SLC10A3: variants seen among roughly 807,000 people sequenced by gnomAD.
SLC10A3 encodes the protein solute carrier family 10 member 3.
In SLC10A3, 1 loss-of-function variant was observed where a neutral mutation model predicts 1.9. That is an observed-to-expected ratio of 0.52 (90% CI 0.19 to 2.48). The LOEUF is 2.48. Ranked by LOEUF, SLC10A3 falls within the 30% of genes most tolerant of loss-of-function variation. SLC10A3 has a pLI of 0.25. For synonymous variants in SLC10A3, 202 were observed against 189.3 expected, an observed-to-expected ratio of 1.07 and a Z score of -0.55; for missense variants, 317 against 398.5, an observed-to-expected ratio of 0.80 and a Z score of 1.74.
In SLC10A3 at chrX:154,487,831, G is replaced by A. The variant is rs782718607; in HGVS notation, c.1110C>T (p.Ala370=). ...CCAGGATGAAGACCCCCATGCGATA[G>A]GCCAGGAAGAGGCCGCCCAGGAGGA... is the stretch of plus-strand genomic sequence containing the variant. ...FVLLLGGLFL[A]YRMGVFILAG... is the part of the protein sequence containing the mutation. The change falls in exon 2 of 2, where the codon GCC becomes GCT. Residue 370 remains alanine, a synonymous_variant. Transcript: ENST00000651600. The A allele has an allele frequency of 3.3e-6, 4 of 1,209,875 alleles. No homozygotes were observed. The highest frequency in any genetic ancestry group is 3.4e-6 in the Non-Finnish European group (3 of 895,277).
At position 154,488,771 on chromosome X, in the gene SLC10A3, G is replaced by T; in HGVS notation, c.170C>A (p.Thr57Asn). Residue 57 changes from threonine to asparagine, a missense_variant, in exon 2 of 2, where the codon ACC (threonine) becomes AAC (asparagine). Physicochemically the swap from Thr to Asn is moderately conservative, Grantham distance 65. Transcript: ENST00000651600. The stretch of plus-strand genomic sequence containing the variant: ...GTAGCGGCCCCCAGTCGGTGGCACG[G>T]TGTGACCCCCAGCAGTGCTGAGGCT... ...STSLSTAGGH[T>N]VPPTGGRYLS... The T allele has an allele frequency of 8.3e-7, 1 of 1,211,393 alleles. No homozygotes were observed. The highest frequency in any genetic ancestry group is 1.1e-6 in the Non-Finnish European group (1 of 895,142).
At position 154,487,859 on chromosome X, in the gene SLC10A3, A is replaced by G. The variant is rs2069322779; in HGVS notation, c.1082T>C (p.Val361Ala). 1.7e-6 allele frequency: 2 copies of G among 1,211,601 alleles called. No individual in the cohort carries two copies. Among genetic ancestry groups the G allele is most frequent in the Non-Finnish European group, 2.2e-6 (2 of 895,628 alleles). Reference sequence around the variant, plus strand: ...CAGGAAGAGGCCGCCCAGGAGGAGCACAAAGCTGAAGGGCTTGACGACCTG... The same window carrying G: ...CAGGAAGAGGCCGCCCAGGAGGAGCGCAAAGCTGAAGGGCTTGACGACCTG... ...LLQVVKPFSF[V>A]LLLGGLFLAY... Residue 361 changes from valine to alanine, a missense_variant, in exon 2 of 2, where the codon GTG becomes GCG. Transcript: ENST00000651600.
chrX:154,488,560 G>C lies in SLC10A3; in HGVS notation c.381C>G (p.Gly127=). 1 of 1,210,066 alleles carries C rather than the reference G, an allele frequency of 8.3e-7. No individual in the cohort carries two copies. Residue 127 remains glycine, a synonymous_variant, in exon 2 of 2, where the codon GGC becomes GGG. Transcript: ENST00000651600. Reference sequence around the variant, plus strand: ...GGATGCTCACCACAAAGCCACCCCCGCCTCCCCAGGTTATAGCACTCACGT... The same window carrying C: ...GGATGCTCACCACAAAGCCACCCCCCCCTCCCCAGGTTATAGCACTCACGT... ...IKNVSAITWG[G]GGGFVVSIHS... is the part of the protein sequence containing the mutation.
In SLC10A3 at chrX:154,487,857, G is replaced by T; in HGVS notation, c.1084C>A (p.Leu362Ile). 8.3e-7 allele frequency: 1 copy of T among 1,211,483 alleles called. No individual in the cohort carries two copies. Among genetic ancestry groups the T allele is most frequent in the Admixed American group, 2.2e-5 (1 of 46,096 alleles). Reference sequence around the variant, plus strand: ...GCCAGGAAGAGGCCGCCCAGGAGGAGCACAAAGCTGAAGGGCTTGACGACC... The same window carrying T: ...GCCAGGAAGAGGCCGCCCAGGAGGATCACAAAGCTGAAGGGCTTGACGACC... The part of the protein sequence containing the change: ...LQVVKPFSFV[L>I]LLGGLFLAYR... Residue 362 changes from leucine (L) to isoleucine (I), a missense_variant, in exon 2 of 2, where the codon CTC (leucine) becomes ATC (isoleucine). Coordinates refer to ENST00000651600, the MANE Select transcript of SLC10A3 (RefSeq NM_019848.5).
chrX:154,488,970 C>T lies in SLC10A3; in HGVS notation c.-30G>A, dbSNP rs372878208. On this transcript the variant is annotated 5_prime_UTR_variant, in exon 2 of 2. Transcript: ENST00000651600. ...CTTCCTGGAGGACGGATGGCGTGCC[C>T]AGGCCCTCTGCGGCTTAGGAGAACA... 100 of 1,181,960 alleles carry T rather than the reference C, an allele frequency of 8.5e-5. No individual in the cohort carries two copies. The highest frequency in any genetic ancestry group is 1.1e-4 in the Non-Finnish European group (94 of 880,855).
In SLC10A3 at chrX:154,488,086, G is replaced by A; in HGVS notation, c.855C>T (p.Ile285=). 1 of 1,211,510 alleles carries A rather than the reference G, an allele frequency of 8.3e-7. No homozygotes were observed. Among genetic ancestry groups the A allele is most frequent in the Middle Eastern group, 2.3e-4 (1 of 4,354 alleles). Residue 285 remains isoleucine (I), a synonymous_variant, in exon 2 of 2, where the codon ATC becomes ATT. Transcript: ENST00000651600. ...LLLGGDVTLA[I]SMTFLSTVAA... is the part of the protein sequence containing the mutation. ...CCACCGTAGAGAGGAAAGTCATGGA[G>A]ATGGCCAGGGTGACGTCCCCTCCAA...
Position 154,488,200 on chromosome X carries a change from G to C in SLC10A3, c.741C>G (p.Val247=). 1.2e-5 allele frequency: 15 copies of C among 1,211,730 alleles called. No homozygotes were observed. Among genetic ancestry groups the C allele is most frequent in the Non-Finnish European group, 1.7e-5 (15 of 895,559 alleles). ...MPLYAFLMAK[V]FMLPKALALG... ...GAGCCAGGGCCTTGGGCAGCATGAA[G>C]ACCTTGGCCATGAGGAAAGCGTACA... The change falls in exon 2 of 2, where the codon GTC becomes GTG. Residue 247 remains valine (V), a synonymous_variant. Coordinates refer to ENST00000651600, the MANE Select transcript of SLC10A3 (RefSeq NM_019848.5).
Position 154,487,809 on chromosome X carries a change from G to A in SLC10A3, c.1132C>T (p.Leu378=). The A allele has an allele frequency of 8.3e-7, 1 of 1,211,480 alleles. No homozygotes were observed. Among genetic ancestry groups the A allele is most frequent in the Non-Finnish European group, 1.1e-6 (1 of 895,583 alleles). Residue 378 remains leucine, a synonymous_variant, in exon 2 of 2, where the codon CTG becomes TTG. Coordinates refer to ENST00000651600, the MANE Select transcript of SLC10A3 (RefSeq NM_019848.5). The part of the protein sequence containing the change: ...FLAYRMGVFI[L]AGIRLPIVLV... ...ACGATGGGTAGCCGGATGCCTGCCA[G>A]GATGAAGACCCCCATGCGATAGGCC...
rs2069348373 is a variant in SLC10A3 at position 154,488,887 on chromosome X, G to A, written c.54C>T (p.Gly18=). The A allele has an allele frequency of 2.5e-6, 3 of 1,209,925 alleles. No homozygotes were observed. Among genetic ancestry groups the A allele is most frequent in the Non-Finnish European group, 2.2e-6 (2 of 894,956 alleles). Residue 18 remains glycine, a synonymous_variant, in exon 2 of 2, where the codon GGC becomes GGT. Transcript: ENST00000651600. ...TTAAGGGACCTGTGCCACCACCCTC[G>A]CCCCCCAGACCAGGCCACTGCTGAG... ...GSSQQWPGLG[G]EGGGTGPLSM... is the part of the protein sequence containing the mutation.
In SLC10A3 at chrX:154,487,462, G is replaced by A. The variant is rs781846179; in HGVS notation, c.*45C>T. The stretch of plus-strand genomic sequence containing the variant: ...GAGTGCATAGTGCATGAGAACTTTG[G>A]TGGAGTGTGGGGGCTGGGGCTGATG... On this transcript the variant is annotated 3_prime_UTR_variant, in exon 2 of 2. Transcript: ENST00000651600. 13 of 1,201,827 alleles carry A rather than the reference G, an allele frequency of 1.1e-5. No individual in the cohort carries two copies. The South Asian group carries it at 1.4e-4, about 13-fold the overall frequency.
Position 154,488,727 on chromosome X carries a change from A to C in SLC10A3, c.214T>G (p.Ser72Ala). Reference protein sequence around the residue: ...GGRYLSIGDGSVMEFEFPEDS... With the variant: ...GGRYLSIGDGAVMEFEFPEDS... Reference sequence around the variant, plus strand: ...TCAGGAAACTCAAACTCCATCACAGAGCCATCTCCAATGCTCAAGTAGCGG... The same window carrying C: ...TCAGGAAACTCAAACTCCATCACAGCGCCATCTCCAATGCTCAAGTAGCGG... Residue 72 changes from serine to alanine, a missense_variant, in exon 2 of 2, where the codon TCT (serine) becomes GCT (alanine). Ser to Ala is a moderately conservative substitution (Grantham distance 99). Transcript: ENST00000651600. 1 of 1,211,733 alleles carries C rather than the reference A, an allele frequency of 8.3e-7. No homozygotes were observed. The highest frequency in any genetic ancestry group is 1.1e-6 in the Non-Finnish European group (1 of 895,490).
chrX:154,488,433 C>T lies in SLC10A3; in HGVS notation c.508G>A (p.Val170Ile). 2 of 1,210,767 alleles carry T rather than the reference C, an allele frequency of 1.7e-6. No homozygotes were observed. Among genetic ancestry groups the T allele is most frequent in the Non-Finnish European group, 2.2e-6 (2 of 894,916 alleles). Residue 170 changes from valine (V) to isoleucine (I), a missense_variant, in exon 2 of 2, where the codon GTC becomes ATC. Transcript: ENST00000651600. ...IEERRDFCIK[V>I]SPAEDTPATL... Reference sequence around the variant, plus strand: ...GCAGGCGTGTCTTCAGCAGGTGAGACCTTGATGCAGAAGTCTCTCCGCTCC... The same window carrying T: ...GCAGGCGTGTCTTCAGCAGGTGAGATCTTGATGCAGAAGTCTCTCCGCTCC...
In SLC10A3 at chrX:154,487,450, A is replaced by T; in HGVS notation, c.*57T>A. ...CTGGATTTTTCTGAGTGCATAGTGC[A>T]TGAGAACTTTGGTGGAGTGTGGGGG... On this transcript the variant is annotated 3_prime_UTR_variant, in exon 2 of 2. Transcript: ENST00000651600. 8.4e-7 allele frequency: 1 copy of T among 1,192,191 alleles called. No individual in the cohort carries two copies. Among genetic ancestry groups the T allele is most frequent in the Non-Finnish European group, 1.1e-6 (1 of 882,887 alleles).
intron 1 of SLC10A3, 68 bp downstream of exon 1, chrX:154,490,239 G>C: frequency 1.1e-6 from 1 of 878,216 alleles, no homozygotes; most frequent in Non-Finnish European, 1.4e-6. Flanking sequence ...AGGGGAGGGA[G>C]TCCCGGCCCT....
In SLC10A3 at chrX:154,488,134, C is replaced by T. The variant is rs782089311; in HGVS notation, c.807G>A (p.Gly269=). The stretch of plus-strand genomic sequence containing the variant: ...CAAGAAGGAGGCTGAAGAGGTAGCT[C>T]CCCCCGCCGCCAGGCGACGAGCAGG... ...IITCSSPGGG[G]SYLFSLLLGG... Residue 269 remains glycine (G), a synonymous_variant, in exon 2 of 2, where the codon GGG becomes GGA. Coordinates refer to ENST00000651600, the MANE Select transcript of SLC10A3 (RefSeq NM_019848.5). The T allele has an allele frequency of 2.5e-6, 3 of 1,210,438 alleles. No individual in the cohort carries two copies. The highest frequency in any genetic ancestry group is 2.2e-6 in the Non-Finnish European group (2 of 895,002).
Position 154,488,882 on chromosome X carries a change from C to T in SLC10A3, c.59G>A (p.Gly20Asp). ...CATGCTTAAGGGACCTGTGCCACCACCCTCGCCCCCCAGACCAGGCCACTG... is the reference window on the plus strand; with the variant it reads ...CATGCTTAAGGGACCTGTGCCACCATCCTCGCCCCCCAGACCAGGCCACTG... ...SQQWPGLGGE[G>D]GGTGPLSMLR... The change falls in exon 2 of 2, where the codon GGT (glycine) becomes GAT (aspartate). Residue 20 changes from glycine to aspartate, a missense_variant. Physicochemically the swap from Gly to Asp is moderately conservative, Grantham distance 94. Coordinates refer to ENST00000651600, the MANE Select transcript of SLC10A3 (RefSeq NM_019848.5). 2 of 1,210,189 alleles carry T rather than the reference C, an allele frequency of 1.7e-6. No homozygotes were observed. Among genetic ancestry groups the T allele is most frequent in the East Asian group, 3.0e-5 (1 of 33,839 alleles).
At chrX:154,489,506 C>A in intron 1 of SLC10A3, 2 of 752,817 alleles carry the variant, frequency 2.7e-6, no homozygotes, top group Non-Finnish European at 3.1e-6. Flanking sequence ...AGAGCCACTG[C>A]GTTACATCTG....
In SLC10A3 at chrX:154,487,417, A is replaced by C; in HGVS notation, c.*90T>G. ...CTGGAGAATAAAAAATCAGTAAAAA[A>C]AATAAGCCTGGATTTTTCTGAGTGC... On this transcript the variant is annotated 3_prime_UTR_variant, in exon 2 of 2. Transcript: ENST00000651600. 9.1e-7 allele frequency: 1 copy of C among 1,093,708 alleles called. No individual in the cohort carries two copies. The highest frequency in any genetic ancestry group is 1.2e-6 in the Non-Finnish European group (1 of 818,465). The allele number at this position is 1,093,708 out of a possible 1,213,427, so 90.1% of individuals were successfully genotyped here. A position where few individuals can be genotyped will look rare whatever the true frequency, so the allele number is the denominator to read the frequency against.
intron 1 of SLC10A3, chrX:154,489,560 G>A: frequency 7.0e-5 from 53 of 754,335 alleles, no homozygotes; most frequent in Non-Finnish European, 7.8e-5. Context: ...ATGCCCACAT[G>A]CGCCCCTACC....
Sources: allele counts gnomAD v4.1 joint callset, GRCh38; gene constraint gnomAD v4.1.1; transcripts MANE v1.5; gene names NCBI Gene and HGNC (gene_info 2026-07-23, HGNC 2026-07-21).